The following TAFA5 variants were observed in gnomAD, a reference collection of about 807,000 sequenced individuals.
TAFA5 encodes chemokine-like protein TAFA-5.
In TAFA5, 6 loss-of-function variants were observed where a neutral mutation model predicts 15.3. The observed-to-expected ratio is 0.39, with a 90% CI of 0.21 to 0.77. TAFA5 has a LOEUF of 0.77. TAFA5 is among the 30% of genes least tolerant of loss of function. The pLI, the probability that TAFA5 is intolerant of heterozygous loss-of-function variation, is 0.41. For missense variants in TAFA5, 161 were observed against 193.1 expected (o/e 0.83, Z 0.98); for synonymous variants, 103 against 80.7 (o/e 1.28, Z -1.48).
intron 3 of TAFA5, among the ~76,000 whole-genome samples, chr22:48,717,193 C>T (rs1929426732): frequency 6.6e-6 from 1 of 152,228 alleles, no homozygotes; most frequent in African/African-American, 2.4e-5. Context: ...CAAAGACGCC[C>T]ACAGCAGCGT....
At chr22:48,558,470 C>G (rs1054540470) in intron 1 of TAFA5, among the ~76,000 whole-genome samples, 1 of 152,178 alleles carries the variant, frequency 6.6e-6, no homozygotes, top group African/African-American at 2.4e-5. Context: ...AGATTCCTTA[C>G]AGGGACGTAT....
rs776382359 is a variant in TAFA5, at chr22:48,633,522, CTGTCTG to C, written c.113-13073_113-13068del. Among the ~76,000 whole-genome samples, 790 of 90,238 alleles carry C rather than the reference CTGTCTG, an allele frequency of 8.8e-3. 17 individuals are homozygous for C. The highest frequency in any genetic ancestry group is 0.029 in the African/African-American group (477 of 16,620). The allele number at this position is 90,238 out of a possible 152,430, so 59.2% of individuals were successfully genotyped here. A position where few individuals can be genotyped will look rare whatever the true frequency, so the allele number is the denominator to read the frequency against. On this transcript the variant is annotated intron_variant, in intron 1 of 3. Transcript: ENST00000402357. ...TCTGTCTGTCTGTCTGTCTGTCTGT[CTGTCTG>C]TCTGTCTCTCCCTCTCTCTCTCTCT...
intron 1 of TAFA5, among the ~76,000 whole-genome samples, chr22:48,562,946 G>C (rs77497339): frequency 0.098 from 14,860 of 152,234 alleles, 1,205 homozygotes; most frequent in East Asian, 0.22. Flanking sequence ...CGGAGGCCCT[G>C]GGGGGTGATG....
At chr22:48,498,288 G>T (rs890424270) in intron 1 of TAFA5, among the ~76,000 whole-genome samples, 2 of 151,148 alleles carry the variant, frequency 1.3e-5, no homozygotes, top group Non-Finnish European at 3.0e-5. Flanking sequence ...CTGGAGGCGG[G>T]GCTGAAGAGT....
intron 2 of TAFA5, among the ~76,000 whole-genome samples, chr22:48,650,523 G>T (rs986204758): frequency 4.6e-5 from 7 of 152,168 alleles, no homozygotes; most frequent in African/African-American, 1.4e-4. Context: ...TTTGAATAGG[G>T]TATTGAGGGA....
At chr22:48,493,406 T>A (rs752403403) in intron 1 of TAFA5, among the ~76,000 whole-genome samples, 1 of 152,228 alleles carries the variant, frequency 6.6e-6, no homozygotes. Flanking sequence ...TTGTTTTGAA[T>A]CCATTAGAAT....
chr22:48,511,836 G>T (rs550484751), intron 1 of TAFA5, among the ~76,000 whole-genome samples: 2 of 152,370 alleles, frequency 1.3e-5, no homozygotes, highest in Non-Finnish European at 2.9e-5. Flanking sequence ...CTTGTGCCTG[G>T]TGCGTCCCCC....
Position 48,707,964 on chromosome 22 carries a change from A to G in TAFA5, c.390+120A>G, listed in dbSNP as rs1010260159. ...AGCTGCTCACTCCATCCTCATGCAG[A>G]GAGGCCAGGGCCCTGTCTCCTCCCC... On this transcript the variant is annotated intron_variant, in intron 3 of 3. Coordinates refer to ENST00000402357, the MANE Select transcript of TAFA5 (RefSeq NM_001082967.3). 4.5e-5 allele frequency: 61 copies of G among 1,349,978 alleles called. No homozygotes were observed. In the Middle Eastern group the frequency reaches 7.8e-4, roughly 17 times the overall value. The allele number at this position is 1,349,978 out of a possible 1,614,324, so 83.6% of individuals were successfully genotyped here.
intron 2 of TAFA5, among the ~76,000 whole-genome samples, chr22:48,700,122 A>G (rs1928857872): frequency 6.6e-6 from 1 of 152,192 alleles, no homozygotes; most frequent in Non-Finnish European, 1.5e-5. Flanking sequence ...TCCAGATCAC[A>G]CTTAAGACTG....
Position 48,560,674 on chromosome 22 carries a change from A to G in TAFA5, c.112+70970A>G, listed in dbSNP as rs1923201706. Reference sequence around the variant, plus strand: ...GCCCAGGCGGGAGTGCAGTGGTGCTATTCGGCTCACTGCATCCTCTGCCTC... The same window carrying G: ...GCCCAGGCGGGAGTGCAGTGGTGCTGTTCGGCTCACTGCATCCTCTGCCTC... On this transcript the variant is annotated intron_variant, in intron 1 of 3. Coordinates refer to ENST00000402357, the MANE Select transcript of TAFA5 (RefSeq NM_001082967.3). The surrounding 1 kb of genome is among the most constrained non-coding windows in gnomAD (Gnocchi z 4.2). 6.6e-6 allele frequency among the ~76,000 whole-genome samples: 1 copy of G among 151,722 alleles called. No individual in the cohort carries two copies. The highest frequency in any genetic ancestry group is 2.4e-5 in the African/African-American group (1 of 41,308).
chr22:48,596,601 G>A (rs896415347), intron 1 of TAFA5, among the ~76,000 whole-genome samples: 2 of 152,154 alleles, frequency 1.3e-5, no homozygotes, highest in South Asian at 2.1e-4. Flanking sequence ...CAGCTGGCAT[G>A]AGGGAGGCGC....
chr22:48,621,969 C>T (rs149927475), intron 1 of TAFA5, among the ~76,000 whole-genome samples: 58 of 152,262 alleles, frequency 3.8e-4, no homozygotes, highest in African/African-American at 1.3e-3. Flanking sequence ...AGTTTGGGCT[C>T]TCGCTGGCTA....
Position 48,698,949 on chromosome 22 carries a change from TTTTTTTTG to T in TAFA5, c.263-8767_263-8760del, listed in dbSNP as rs1409511522. ...TGTGGCAATGCTTTTTTTTTTTTTT[TTTTTTTTG>T]GCGCGACCAAGGCTCACTCTGTCCC... is the stretch of plus-strand genomic sequence containing the variant. On this transcript the variant is annotated intron_variant, in intron 2 of 3. Transcript: ENST00000402357. 8.8e-3 allele frequency among the ~76,000 whole-genome samples: 740 copies of T among 83,916 alleles called. 3 individuals carry two copies. Among genetic ancestry groups the T allele is most frequent in the Middle Eastern group, 0.026 (5 of 190 alleles). 55.1% of individuals were successfully genotyped at this position (83,916 alleles called of 152,430 possible). A position where few individuals can be genotyped will look rare whatever the true frequency, so the allele number is the denominator to read the frequency against.
intron 1 of TAFA5, among the ~76,000 whole-genome samples, chr22:48,607,117 C>G (rs1293887774): frequency 6.6e-6 from 1 of 152,258 alleles, no homozygotes; most frequent in Non-Finnish European, 1.5e-5. Context: ...AGGGCCCGGT[C>G]CCGTTAGCCT....
intron 2 of TAFA5, among the ~76,000 whole-genome samples, chr22:48,671,898 G>A (rs1433531341): frequency 2.6e-5 from 4 of 152,186 alleles, no homozygotes; most frequent in African/African-American, 7.2e-5. Flanking sequence ...CTGATGAGTG[G>A]GGAGTAAGCC....
intron 2 of TAFA5, among the ~76,000 whole-genome samples, chr22:48,687,400 GGATA>G (rs1025174873): frequency 4.6e-4 from 69 of 150,676 alleles, no homozygotes; most frequent in African/African-American, 1.4e-3. Flanking sequence ...ATGTTTGAAT[GGATA>G]GATAGATGGG....
chr22:48,573,228 C>T (rs1391755514), intron 1 of TAFA5, among the ~76,000 whole-genome samples: 7 of 152,200 alleles, frequency 4.6e-5, no homozygotes, highest in Non-Finnish European at 5.9e-5. Flanking sequence ...TTCACCTTCT[C>T]GGGAGGATGT....
At chr22:48,665,208 C>G (rs1206746493) in intron 2 of TAFA5, among the ~76,000 whole-genome samples, 3 of 152,284 alleles carry the variant, frequency 2.0e-5, no homozygotes, top group Non-Finnish European at 2.9e-5. Context: ...GGCCCAATAG[C>G]TGCTTTTTAT....
In TAFA5 at chr22:48,722,325, G is replaced by C. The variant is rs545597560; in HGVS notation, c.390+14481G>C. On this transcript the variant is annotated intron_variant, in intron 3 of 3. Transcript: ENST00000402357. ...TGAACCCAAGTGTTCATCAATGATA[G>C]ACTGGATAAAGCAAATGTGGCACAT... Among the ~76,000 whole-genome samples the C allele has an allele frequency of 2.0e-5, 3 of 152,322 alleles. No homozygotes were observed. In the South Asian group the frequency reaches 6.2e-4, roughly 32 times the overall value.
Sources: gnomAD v4.1 joint callset for allele counts (sites outside exome capture counted in the v4.1 genomes callset) on GRCh38, gnomAD v4.1.1 for gene constraint, Gnocchi (gnomAD v3.1) non-coding constraint, MANE v1.5 for transcripts, NCBI Gene and HGNC (gene_info 2026-07-23, HGNC 2026-07-21) for gene names.